Variants in DDR1 observed in about 807,000 individuals in gnomAD.
The protein encoded by DDR1 is epithelial discoidin domain-containing receptor 1.
In DDR1, 64 loss-of-function variants were observed where a neutral mutation model predicts 97.4. The ratio of observed to expected loss-of-function variants is 0.66; its 90% CI spans 0.54 to 0.81. The LOEUF (loss-of-function observed/expected upper bound fraction) is 0.81, where lower values mean the gene tolerates loss of function less well. DDR1 is among the 30% of genes least tolerant of loss of function. DDR1 has a pLI of 0.00. For synonymous variants in DDR1, 458 were observed against 503.7 expected (o/e 0.91, Z 1.21); for missense variants, 990 against 1,259.6 (o/e 0.79, Z 3.24).
chr6:30,896,991 A>C (rs746440909), intron 13 of DDR1, 23 bp from the exon 14 acceptor site: 1 of 1,605,054 alleles, frequency 6.2e-7, no homozygotes, highest in South Asian at 1.1e-5. Flanking sequence ...GTGACCGCCT[A>C]GCAAACGAAC....
Position 30,888,884 on chromosome 6 carries a change from G to A in DDR1, c.86-24G>A, listed in dbSNP as rs2150285851. 1.2e-6 allele frequency: 2 copies of A among 1,612,942 alleles called. No individual in the cohort carries two copies. Among genetic ancestry groups the A allele is most frequent in the Non-Finnish European group, 1.7e-6 (2 of 1,179,978 alleles). On this transcript the variant is annotated intron_variant, in intron 2 of 17. Coordinates refer to ENST00000376568, the MANE Select transcript of DDR1 (RefSeq NM_001297654.2). The surrounding 1 kb of genome is among the most constrained non-coding windows in gnomAD (Gnocchi z 4.2). ...GGTAGAGAGTTGGGGGCCTTGACCT[G>A]TTACATGCCTGCTTTTTACTCAGCC...
chr6:30,897,510 A>G lies in DDR1; in HGVS notation c.2129A>G (p.Asn710Ser), dbSNP rs759843893. ...ITDYMENGDLNQFLSAHQLED... is the reference protein window; with the variant it reads ...ITDYMENGDLSQFLSAHQLED... ...GACTACATGGAGAACGGCGACCTCA[A>G]CCAGTTCCTCAGTGCCCACCAGCTG... The change falls in exon 15 of 18, where the codon AAC becomes AGC. Residue 710 changes from asparagine to serine, a missense_variant. Coordinates refer to ENST00000376568, the MANE Select transcript of DDR1 (RefSeq NM_001297654.2). The surrounding 1 kb of genome is among the most constrained non-coding windows in gnomAD (Gnocchi z 5.2). 6.8e-6 allele frequency: 11 copies of G among 1,613,962 alleles called. No homozygotes were observed. Among genetic ancestry groups the G allele is most frequent in the Middle Eastern group, 1.6e-4 (1 of 6,080 alleles).
Position 30,888,901 on chromosome 6 carries a change from T to C in DDR1, c.86-7T>C. On this transcript the variant is annotated splice_region_variant and splice_polypyrimidine_tract_variant and intron_variant, in intron 2 of 17. Transcript: ENST00000376568. The surrounding 1 kb of genome is among the most constrained non-coding windows in gnomAD (Gnocchi z 4.2). ...CTTGACCTGTTACATGCCTGCTTTT[T>C]ACTCAGCCAAGTGCCGCTATGCCCT... 1.2e-6 allele frequency: 2 copies of C among 1,612,996 alleles called. No homozygotes were observed. The highest frequency in any genetic ancestry group is 1.7e-5 in the Admixed American group (1 of 60,014).
rs541302814 is a variant in DDR1 at position 30,897,426 on chromosome 6, C to G, written c.2045C>G (p.Pro682Arg). Residue 682 changes from proline (P) to arginine (R), a missense_variant, in exon 15 of 18, where the codon CCA becomes CGA. Physicochemically the swap from Pro to Arg is moderately radical, Grantham distance 103. Transcript: ENST00000376568. This position sits in a 1 kb window ranked among gnomAD's most constrained non-coding sequence, Gnocchi z 5.2. Reference protein sequence around the residue: ...EVKIMSRLKDPNIIRLLGVCV... With the variant: ...EVKIMSRLKDRNIIRLLGVCV... ...AAGATCATGTCGAGGCTCAAGGACCCAAACATCATTCGGCTGCTGGGCGTG... is the reference window on the plus strand; with the variant it reads ...AAGATCATGTCGAGGCTCAAGGACCGAAACATCATTCGGCTGCTGGGCGTG... 16 of 1,614,126 alleles carry G rather than the reference C, an allele frequency of 9.9e-6. No homozygotes were observed. The Admixed American group carries it at 2.7e-4, about 27-fold the overall frequency.
Position 30,889,518 on chromosome 6 carries a change from TC to T in DDR1, c.417+90del. On this transcript the variant is annotated intron_variant, in intron 4 of 17. Transcript: ENST00000376568. This position sits in a 1 kb window ranked among gnomAD's most constrained non-coding sequence, Gnocchi z 4.9. Reference sequence around the variant, plus strand: ...AACACCACCTATACGCTGACGACTCTCCAGTTTATATCATCTCCAGACTAAG... The same window carrying T: ...AACACCACCTATACGCTGACGACTCTCAGTTTATATCATCTCCAGACTAAG... 1 of 956,730 alleles carries T rather than the reference TC, an allele frequency of 1.0e-6. No homozygotes were observed. Among genetic ancestry groups the T allele is most frequent in the Non-Finnish European group, 1.5e-6 (1 of 668,838 alleles). The allele number at this position is 956,730 out of a possible 1,614,324, so 59.3% of individuals were successfully genotyped here.
chr6:30,893,816 T>C (rs1789579183), intron 10 of DDR1, among the ~76,000 whole-genome samples: 1 of 152,102 alleles, frequency 6.6e-6, no homozygotes, highest in African/African-American at 2.4e-5. Context: ...ACCAGGCCTG[T>C]TGGTGCAGTG....
rs1354594648 is a variant in DDR1 at position 30,892,555 on chromosome 6, G to A, written c.1099+13G>A. 1.9e-6 allele frequency: 3 copies of A among 1,561,998 alleles called. No individual in the cohort carries two copies. Among genetic ancestry groups the A allele is most frequent in the East Asian group, 2.3e-5 (1 of 44,122 alleles). ...TCCTTCATCTCTGGTAAGCCCTGGA[G>A]TAGCCCAGTCTCCAGTCCCTGAAAT... On this transcript the variant is annotated intron_variant, in intron 8 of 17. Transcript: ENST00000376568.
Position 30,892,034 on chromosome 6 carries a change from A to G in DDR1, c.698A>G (p.Asp233Gly), listed in dbSNP as rs923393856. 3 of 1,613,792 alleles carry G rather than the reference A, an allele frequency of 1.9e-6. No individual in the cohort carries two copies. The highest frequency in any genetic ancestry group is 1.7e-6 in the Non-Finnish European group (2 of 1,179,926). The change falls in exon 7 of 18, where the codon GAT becomes GGT. Residue 233 changes from aspartate (D) to glycine (G), a missense_variant. By Grantham distance (94) the Asp-to-Gly change is moderately conservative (BLOSUM62 -1). Transcript: ENST00000376568. ...LQYGGLGQLA[D>G]GVVGLDDFRK... is the part of the protein sequence containing the mutation. The stretch of plus-strand genomic sequence containing the variant: ...TATGGGGGTCTGGGCCAGCTGGCAG[A>G]TGGTGTGGTGGGGCTGGATGACTTT...
chr6:30,892,973 G>A, intron 8 of DDR1, 95 bp from the exon 9 acceptor site: 3 of 1,100,908 alleles, frequency 2.7e-6, no homozygotes, highest in Non-Finnish European at 2.7e-6. Context: ...AATCACCCAT[G>A]CTTCTGCTCC....
In DDR1 at chr6:30,888,916, C is replaced by T. The variant is rs747520345; in HGVS notation, c.94C>T (p.Arg32Cys). ...MKGHFDPAKC[R>C]YALGMQDRTI... ...GCCTGCTTTTTACTCAGCCAAGTGC[C>T]GCTATGCCCTGGGCATGCAGGACCG... Residue 32 changes from arginine to cysteine, a missense_variant, in exon 3 of 18, where the codon CGC (arginine) becomes TGC (cysteine). Physicochemically the swap from Arg to Cys is radical, Grantham distance 180. Coordinates refer to ENST00000376568, the MANE Select transcript of DDR1 (RefSeq NM_001297654.2). This position sits in a 1 kb window ranked among gnomAD's most constrained non-coding sequence, Gnocchi z 4.2. 5.0e-6 allele frequency: 8 copies of T among 1,612,878 alleles called. No individual in the cohort carries two copies. The highest frequency in any genetic ancestry group is 1.7e-5 in the Admixed American group (1 of 60,002).
rs751228784 is a variant in DDR1, at chr6:30,892,369, C to T, written c.926C>T (p.Pro309Leu). The stretch of plus-strand genomic sequence containing the variant: ...GTGGAATGTCGCTTCCGGCGTGGCC[C>T]TGCCATGGCCTGGGAGGGGGAGCCC... ...GGVECRFRRG[P>L]AMAWEGEPMR... Residue 309 changes from proline (P) to leucine (L), a missense_variant, in exon 8 of 18, where the codon CCT (proline) becomes CTT (leucine). Transcript: ENST00000376568. 1.2e-5 allele frequency: 19 copies of T among 1,586,112 alleles called. No homozygotes were observed. Among genetic ancestry groups the T allele is most frequent in the Non-Finnish European group, 1.6e-5 (19 of 1,167,628 alleles).
chr6:30,893,861 A>C (rs1789599356), intron 10 of DDR1, among the ~76,000 whole-genome samples: 1 of 152,210 alleles, frequency 6.6e-6, no homozygotes, highest in African/African-American at 2.4e-5. Flanking sequence ...AGCAGGGTAG[A>C]GACAGGCAGA....
chr6:30,893,598 C>T (rs1789498940), intron 10 of DDR1, among the ~76,000 whole-genome samples, 175 bp downstream of exon 10: 1 of 152,250 alleles, frequency 6.6e-6, no homozygotes, highest in African/African-American at 2.4e-5. Flanking sequence ...GGCTGCTCCC[C>T]AGCTCTGGGT....
Position 30,896,780 on chromosome 6 carries a change from C to CA in DDR1, c.1785dup (p.Val596SerfsTer33). ...GCTGTGCCTGCACTGCCCCCAGGGG[C>CA]AGTCGGGGATGGGCCCCCCAGAGTG... On this transcript the variant is annotated frameshift_variant, in exon 13 of 18. Coordinates refer to ENST00000376568, the MANE Select transcript of DDR1 (RefSeq NM_001297654.2). LOFTEE classifies it high-confidence loss of function. The CA allele has an allele frequency of 3.2e-6, 5 of 1,583,874 alleles. No homozygotes were observed. In the South Asian group the frequency reaches 5.8e-5, roughly 18 times the overall value.
In DDR1 at chr6:30,887,484, G is replaced by A. The variant is rs149114144; in HGVS notation, c.-42-1204G>A. Reference sequence around the variant, plus strand: ...TCTCTCCTTCTAGACGTACACACAGGTATATATACAAACATGGGTGCTTGT... The same window carrying A: ...TCTCTCCTTCTAGACGTACACACAGATATATATACAAACATGGGTGCTTGT... On this transcript the variant is annotated intron_variant, in intron 1 of 17. Transcript: ENST00000376568. Among the ~76,000 whole-genome samples, 495 of 152,174 alleles carry A rather than the reference G, an allele frequency of 3.3e-3. 10 individuals carry two copies. The South Asian group carries it at 0.054, about 17-fold the overall frequency.
At chr6:30,882,205 G>A (rs767171120), upstream of DDR1, among the ~76,000 whole-genome samples, 1 of 152,208 alleles carries the variant, frequency 6.6e-6, no homozygotes, top group Non-Finnish European at 1.5e-5. This position sits in a 1 kb window ranked among gnomAD's most constrained non-coding sequence, Gnocchi z 4.8. Flanking sequence ...CAGGTGGTCT[G>A]CAGGCCTGAA....
At chr6:30,895,546 C>T in intron 12 of DDR1, 32 bp downstream of exon 12, 1 of 1,363,146 alleles carries the variant, frequency 7.3e-7, no homozygotes. Flanking sequence ...CTCCGCCAGG[C>T]TCCCCATACC....
rs1375436057 is a variant in DDR1 at position 30,890,913 on chromosome 6, G to T, written c.418-60G>T. ...GGCTGGGCCAGGGAGCAGCTGGTGGGTGGGAAGTAAGATCTGACCTGGACT... is the reference window on the plus strand; with the variant it reads ...GGCTGGGCCAGGGAGCAGCTGGTGGTTGGGAAGTAAGATCTGACCTGGACT... On this transcript the variant is annotated intron_variant, in intron 4 of 17. Transcript: ENST00000376568. This position sits in a 1 kb window ranked among gnomAD's most constrained non-coding sequence, Gnocchi z 5.0. The T allele has an allele frequency of 2.0e-6, 3 of 1,521,928 alleles. No homozygotes were observed. The highest frequency in any genetic ancestry group is 2.6e-6 in the Non-Finnish European group (3 of 1,135,196). The allele number at this position is 1,521,928 out of a possible 1,614,324, so 94.3% of individuals were successfully genotyped here.
rs1290945139 is a variant in DDR1 at position 30,891,551 on chromosome 6, G to T, written c.665+72G>T. The T allele has an allele frequency of 1.1e-6, 1 of 951,352 alleles. No individual in the cohort carries two copies. The highest frequency in any genetic ancestry group is 1.6e-6 in the Non-Finnish European group (1 of 619,322). 58.9% of individuals were successfully genotyped at this position (951,352 alleles called of 1,614,324 possible). ...ACTGTGTGTGTGTGTGTGTGTGTGT[G>T]TGTGTGAGAGTGTGTGTGTGTAGGG... is the stretch of plus-strand genomic sequence containing the variant. On this transcript the variant is annotated intron_variant, in intron 6 of 17. Coordinates refer to ENST00000376568, the MANE Select transcript of DDR1 (RefSeq NM_001297654.2). This position sits in a 1 kb window ranked among gnomAD's most constrained non-coding sequence, Gnocchi z 5.3.
Sources: allele counts gnomAD v4.1 joint callset (sites outside exome capture counted in the v4.1 genomes callset), GRCh38; gene constraint gnomAD v4.1.1; non-coding constraint Gnocchi (gnomAD v3.1); transcripts MANE v1.5; gene names NCBI Gene and HGNC (gene_info 2026-07-23, HGNC 2026-07-21).